MAP3K13: variants seen among roughly 807,000 people sequenced by gnomAD.
MAP3K13 encodes mitogen-activated protein kinase kinase kinase 13, also known as leucine zipper-bearing kinase.
In MAP3K13, 52 loss-of-function variants were observed where a neutral mutation model predicts 104.0. That is an observed-to-expected ratio of 0.50 (90% CI 0.40 to 0.63). MAP3K13 has a LOEUF of 0.63. Among genes scored for constraint, MAP3K13 ranks in the 20% least tolerant of loss-of-function variants. The pLI is 0.00. For missense variants in MAP3K13, 914 were observed against 1,218.5 expected (o/e 0.75, Z 3.72); for synonymous variants, 394 against 442.2 (o/e 0.89, Z 1.37).
rs201101005 is a variant in MAP3K13, at chr3:185,398,549, T to G, written c.-85-29948T>G. The stretch of plus-strand genomic sequence containing the variant: ...ACCATATCCCCTACTAGGTTAGACT[T>G]GAGTTCTGAAGAGCAGGGACTATTT... On this transcript the variant is annotated intron_variant, in intron 1 of 13. Coordinates refer to ENST00000265026, the MANE Select transcript of MAP3K13 (RefSeq NM_004721.5). 3.3e-5 allele frequency among the ~76,000 whole-genome samples: 5 copies of G among 152,344 alleles called. No homozygotes were observed. In the East Asian group the frequency reaches 9.6e-4, roughly 29 times the overall value.
At chr3:185,451,138 G>T (rs1193274420) in intron 6 of MAP3K13, 149 bp from the exon 7 acceptor site, 2 of 570,196 alleles carry the variant, frequency 3.5e-6, no homozygotes, top group Non-Finnish European at 6.3e-6. Flanking sequence ...ATACAATTCA[G>T]TTATGCTATC....
chr3:185,451,360 C>G lies in MAP3K13; in HGVS notation c.1243C>G (p.Leu415Val), dbSNP rs764655995. 1.2e-6 allele frequency: 2 copies of G among 1,613,686 alleles called. No individual in the cohort carries two copies. Among genetic ancestry groups the G allele is most frequent in the Admixed American group, 3.3e-5 (2 of 60,008 alleles). The change falls in exon 7 of 14, where the codon CTT becomes GTT. Residue 415 changes from leucine (L) to valine (V), a missense_variant. By Grantham distance (32) the Leu-to-Val change is conservative (BLOSUM62 1). Transcript: ENST00000265026. ...TTTAGACATTGCCTCTGCAGATGTA[C>G]TTGCCACCCCACAAGAAACTTACTT... is the stretch of plus-strand genomic sequence containing the variant. ...MHLDIASADV[L>V]ATPQETYFKS... is the part of the protein sequence containing the mutation.
intron 2 of MAP3K13, among the ~76,000 whole-genome samples, chr3:185,337,135 G>A (rs1722535406): frequency 6.6e-6 from 1 of 152,098 alleles, no homozygotes; most frequent in African/African-American, 2.4e-5. Flanking sequence ...GAACTCCTGA[G>A]CTCAAGTGAT....
At chr3:185,460,744 T>A (rs16860079) in intron 7 of MAP3K13, among the ~76,000 whole-genome samples, 114,706 of 152,174 alleles carry the variant, frequency 0.75, 44,577 homozygotes, top group Non-Finnish European at 0.86. Context: ...ATACGTCCTT[T>A]TTTCTGTTCA....
At chr3:185,408,198 T>G (rs1713228489) in intron 1 of MAP3K13, among the ~76,000 whole-genome samples, 1 of 152,176 alleles carries the variant, frequency 6.6e-6, no homozygotes, top group Non-Finnish European at 1.5e-5. Context: ...ATTTTGCAGT[T>G]GAAATCAAAC....
rs1191749826 is a variant in MAP3K13, at chr3:185,455,372, GAT to G, written c.1278+3984_1278+3985del. Among the ~76,000 whole-genome samples the G allele has an allele frequency of 6.7e-5, 5 of 74,842 alleles. 1 individual carries two copies. Among genetic ancestry groups the G allele is most frequent in the South Asian group, 8.0e-4 (2 of 2,498 alleles). The allele number at this position is 74,842 out of a possible 152,430, so 49.1% of individuals were successfully genotyped here. On this transcript the variant is annotated intron_variant, in intron 7 of 13. Transcript: ENST00000265026. Reference sequence around the variant, plus strand: ...TATGATATATATATGAGATATATATGATATATATGATATATATATCATATATG... The same window carrying G: ...TATGATATATATATGAGATATATATGATATATGATATATATATCATATATG...
intron 4 of MAP3K13, among the ~76,000 whole-genome samples, chr3:185,447,184 A>T (rs1291820442): frequency 6.6e-6 from 1 of 152,150 alleles, no homozygotes; most frequent in Non-Finnish European, 1.5e-5. Context: ...ACACATGAGA[A>T]AACTGGCTTA....
chr3:185,474,664 G>A (rs1341353403), intron 11 of MAP3K13, among the ~76,000 whole-genome samples: 2 of 152,122 alleles, frequency 1.3e-5, no homozygotes, highest in African/African-American at 2.4e-5. Context: ...GACAGGCATC[G>A]TGACCCAGAT....
rs1383336790 is a variant in MAP3K13, at chr3:185,423,392, C to T, written c.-85-5105C>T. ...CTGGCTAGGTCAGATAGTATGAAATCAGCAGTCTTAAAAGAGATGAGGCAG... is the reference window on the plus strand; with the variant it reads ...CTGGCTAGGTCAGATAGTATGAAATTAGCAGTCTTAAAAGAGATGAGGCAG... On this transcript the variant is annotated intron_variant, in intron 1 of 13. Transcript: ENST00000265026. This position sits in a 1 kb window ranked among gnomAD's most constrained non-coding sequence, Gnocchi z 4.1. 6.6e-6 allele frequency among the ~76,000 whole-genome samples: 1 copy of T among 152,164 alleles called. No homozygotes were observed. The highest frequency in any genetic ancestry group is 1.5e-5 in the Non-Finnish European group (1 of 68,036).
chr3:185,411,245 GA>G (rs991597005), intron 1 of MAP3K13, among the ~76,000 whole-genome samples: 2 of 150,514 alleles, frequency 1.3e-5, no homozygotes, highest in African/African-American at 4.9e-5. Context: ...TTAGAACACA[GA>G]AAAAAAAATC....
Position 185,317,709 on chromosome 3 carries a change from G to A in MAP3K13, c.-86+32066G>A, listed in dbSNP as rs575088941. 4.6e-5 allele frequency among the ~76,000 whole-genome samples: 7 copies of A among 152,166 alleles called. No homozygotes were observed. In the East Asian group the frequency reaches 5.8e-4, roughly 13 times the overall value. On this transcript the variant is annotated intron_variant, in intron 2 of 14. Coordinates refer to the MAP3K13 transcript ENST00000424227. Reference sequence around the variant, plus strand: ...TTCTATGTATAATTGACCCTACATCGTGATAATGTCAAATATATTTATACT... The same window carrying A: ...TTCTATGTATAATTGACCCTACATCATGATAATGTCAAATATATTTATACT...
intron 2 of MAP3K13, among the ~76,000 whole-genome samples, chr3:185,307,546 C>CCCCCCCCCCCCCCCCA (rs58408265): frequency 8.6e-5 from 9 of 104,078 alleles, no homozygotes; most frequent in Non-Finnish European, 1.3e-4. Context: ...GCACCACCCC[C>CCCCCCCCCCCCCCCCA]TCCCCCGCCA....
intron 1 of MAP3K13, among the ~76,000 whole-genome samples, chr3:185,388,433 C>A (rs1385387859): frequency 6.6e-6 from 1 of 151,960 alleles, no homozygotes; most frequent in Non-Finnish European, 1.5e-5. Context: ...GCCCAGGAGG[C>A]CGAGGCTGTA....
chr3:185,458,237 A>G (rs560357771), intron 7 of MAP3K13, among the ~76,000 whole-genome samples: 1 of 152,014 alleles, frequency 6.6e-6, no homozygotes, highest in South Asian at 2.1e-4. Flanking sequence ...GGTGTGGTGT[A>G]ATCACCTGTA....
At chr3:185,314,247 TA>T (rs552692869) in intron 2 of MAP3K13, among the ~76,000 whole-genome samples, 193 of 151,886 alleles carry the variant, frequency 1.3e-3, no homozygotes, top group Admixed American at 2.4e-3. Flanking sequence ...ATAAAAGTGG[TA>T]AAAAAAAATT....
At chr3:185,343,694 G>T (rs544602710) in intron 2 of MAP3K13, among the ~76,000 whole-genome samples, 5 of 152,118 alleles carry the variant, frequency 3.3e-5, no homozygotes, top group Non-Finnish European at 7.4e-5. Flanking sequence ...CTTGTGATCT[G>T]CCCGCCTTGG....
Position 185,363,272 on chromosome 3 carries a change from C to G in MAP3K13, c.-182C>G, listed in dbSNP as rs1460568941. The G allele has an allele frequency of 1.8e-5, 18 of 985,190 alleles. No individual in the cohort carries two copies. The highest frequency in any genetic ancestry group is 1.1e-4 in the East Asian group (1 of 8,824). 61.0% of individuals were successfully genotyped at this position (985,190 alleles called of 1,614,324 possible). On this transcript the variant is annotated 5_prime_UTR_variant, in exon 1 of 14. Transcript: ENST00000265026. ...GGATTGTGTGGGTGGAATCCCCCTCCCCTTTATTTTTCCAATTCTGCAAGG... is the reference window on the plus strand; with the variant it reads ...GGATTGTGTGGGTGGAATCCCCCTCGCCTTTATTTTTCCAATTCTGCAAGG...
rs1280103723 is a variant in MAP3K13 at position 185,437,427 on chromosome 3, T to C, written c.476-20T>C. On this transcript the variant is annotated intron_variant, in intron 2 of 13. Coordinates refer to ENST00000265026, the MANE Select transcript of MAP3K13 (RefSeq NM_004721.5). The stretch of plus-strand genomic sequence containing the variant: ...CCCTTCTGAGATCTCTTCAAGCTTA[T>C]TTCTTGCTTGTGTGCCTAGATACTT... The C allele has an allele frequency of 6.2e-7, 1 of 1,609,842 alleles. No homozygotes were observed. The highest frequency in any genetic ancestry group is 8.5e-7 in the Non-Finnish European group (1 of 1,178,074).
chr3:185,318,735 C>A (rs1167553645), intron 2 of MAP3K13, among the ~76,000 whole-genome samples: 1 of 152,158 alleles, frequency 6.6e-6, no homozygotes, highest in Non-Finnish European at 1.5e-5. Flanking sequence ...GCAGAGATGG[C>A]AGATACATTC....
Sources: gnomAD v4.1 joint callset for allele counts (sites outside exome capture counted in the v4.1 genomes callset) on GRCh38, gnomAD v4.1.1 for gene constraint, Gnocchi (gnomAD v3.1) non-coding constraint, MANE v1.5 for transcripts, NCBI Gene and HGNC (gene_info 2026-07-23, HGNC 2026-07-21) for gene names.